The following TIMMDC1 variants were observed in gnomAD, a reference collection of about 807,000 sequenced individuals.
TIMMDC1 encodes the protein complex I assembly factor TIMMDC1, mitochondrial.
A neutral mutation model predicts 32.6 loss-of-function variants in TIMMDC1; 25 were observed. The observed-to-expected ratio is 0.77, with a 90% CI of 0.56 to 1.07. The LOEUF is 1.07. TIMMDC1 is among the 50% of genes least tolerant of loss of function. The probability of loss-of-function intolerance (pLI) is 0.00; values close to 1 mark genes in which losing one functional copy is unlikely to be tolerated. For missense variants in TIMMDC1, 329 were observed against 349.2 expected, an observed-to-expected ratio of 0.94 and a Z score of 0.46; for synonymous variants, 130 against 127.6, an observed-to-expected ratio of 1.02 and a Z score of -0.13.
intron 4 of TIMMDC1, among the ~76,000 whole-genome samples, chr3:119,506,320 T>C (rs2081918639): frequency 2.0e-5 from 3 of 152,124 alleles, no homozygotes; most frequent in Admixed American, 2.0e-4. Flanking sequence ...TATAGGAGTT[T>C]GAGAACAGCC....
Position 119,498,575 on chromosome 3 carries a change from G to A in TIMMDC1, c.-159G>A. Reference sequence around the variant, plus strand: ...GTATTTCCAAGGACTCCAAAGCGAGGCCGGGGACTGAAGGTGTGGGTGTCG... The same window carrying A: ...GTATTTCCAAGGACTCCAAAGCGAGACCGGGGACTGAAGGTGTGGGTGTCG... On this transcript the variant is annotated 5_prime_UTR_variant, in exon 1 of 7. Coordinates refer to ENST00000494664, the MANE Select transcript of TIMMDC1 (RefSeq NM_016589.4). 3.0e-6 allele frequency: 2 copies of A among 675,982 alleles called. No homozygotes were observed. The highest frequency in any genetic ancestry group is 5.0e-6 in the Non-Finnish European group (2 of 398,152). 41.9% of individuals were successfully genotyped at this position (675,982 alleles called of 1,614,324 possible).
intron 4 of TIMMDC1, among the ~76,000 whole-genome samples, chr3:119,510,248 TTAA>T (rs35288176): frequency 0.15 from 22,283 of 152,050 alleles, 2,035 homozygotes; most frequent in Non-Finnish European, 0.2. Flanking sequence ...AAAAATTTTC[TTAA>T]TAATAGTACT....
intron 6 of TIMMDC1, among the ~76,000 whole-genome samples, chr3:119,521,459 ATTGTTTGAGCC>A (rs1307043997): frequency 6.6e-6 from 1 of 152,166 alleles, no homozygotes; most frequent in Non-Finnish European, 1.5e-5. Flanking sequence ...AGGCAGGAGG[ATTGTTTGAGCC>A]TGGGAGGTGG....
intron 1 of TIMMDC1, 82 bp from the exon 2 acceptor site, chr3:119,500,613 G>T: frequency 8.1e-7 from 1 of 1,237,224 alleles, no homozygotes. Context: ...GGTAGCATTT[G>T]GGTTAATTCT....
Position 119,511,624 on chromosome 3 carries a change from A to T in TIMMDC1, c.518-2017A>T, listed in dbSNP as rs192877763. ...ACAGTTTTGGCCACATAAAATTTTT[A>T]AACCTATCTATGTCATAAATACTAT... On this transcript the variant is annotated intron_variant, in intron 4 of 6. Transcript: ENST00000494664. Among the ~76,000 whole-genome samples the T allele has an allele frequency of 1.5e-3, 233 of 152,370 alleles. 1 individual carries two copies. The highest frequency in any genetic ancestry group is 5.3e-3 in the African/African-American group (220 of 41,594).
At position 119,503,926 on chromosome 3, in the gene TIMMDC1, T is replaced by C. The variant is rs762990347; in HGVS notation, c.450-28T>C. On this transcript the variant is annotated intron_variant, in intron 3 of 6. Coordinates refer to ENST00000494664, the MANE Select transcript of TIMMDC1 (RefSeq NM_016589.4). Reference sequence around the variant, plus strand: ...TAAATGGGATATGCTTTAAATCTTATATTTTCCTTCTCCTCCCTTTTTACC... The same window carrying C: ...TAAATGGGATATGCTTTAAATCTTACATTTTCCTTCTCCTCCCTTTTTACC... 3.2e-6 allele frequency: 5 copies of C among 1,582,170 alleles called. No individual in the cohort carries two copies. In the South Asian group the frequency reaches 3.3e-5, roughly 11 times the overall value.
In TIMMDC1 at chr3:119,498,603, C is replaced by T. The variant is rs961668161; in HGVS notation, c.-131C>T. 2.4e-6 allele frequency: 2 copies of T among 844,842 alleles called. No homozygotes were observed. Among genetic ancestry groups the T allele is most frequent in the Non-Finnish European group, 1.9e-6 (1 of 535,336 alleles). The allele number at this position is 844,842 out of a possible 1,614,324, so 52.3% of individuals were successfully genotyped here. On this transcript the variant is annotated 5_prime_UTR_variant, in exon 1 of 7. Coordinates refer to ENST00000494664, the MANE Select transcript of TIMMDC1 (RefSeq NM_016589.4). ...GGGGACTGAAGGTGTGGGTGTCGAG[C>T]CCTCTGGCAGAGGGTTAACCTGGGT...
At chr3:119,511,249 G>T (rs1009012797) in intron 4 of TIMMDC1, among the ~76,000 whole-genome samples, 1 of 151,948 alleles carries the variant, frequency 6.6e-6, no homozygotes, top group Admixed American at 6.6e-5. Flanking sequence ...AAGCTGAGGC[G>T]GGTGGATCAC....
chr3:119,504,984 A>G (rs977789553), intron 4 of TIMMDC1, among the ~76,000 whole-genome samples: 3 of 151,854 alleles, frequency 2.0e-5, no homozygotes, highest in African/African-American at 7.3e-5. Flanking sequence ...AGGCTGAGGC[A>G]GGAGAATCAC....
intron 6 of TIMMDC1, among the ~76,000 whole-genome samples, chr3:119,519,678 A>G (rs1243987762): frequency 6.6e-6 from 1 of 150,394 alleles, no homozygotes; most frequent in Non-Finnish European, 1.5e-5. Context: ...GGACTTCAAC[A>G]CCACACTCCC....
chr3:119,500,933 T>C (rs1560044819), intron 2 of TIMMDC1, 73 bp downstream of exon 2: 2 of 1,470,860 alleles, frequency 1.4e-6, no homozygotes, highest in East Asian at 4.6e-5. Flanking sequence ...ATCATTCAAT[T>C]AGGTTGTGGG....
Position 119,523,641 on chromosome 3 carries a change from A to C in TIMMDC1, c.743A>C (p.Glu248Ala). The C allele has an allele frequency of 4.3e-6, 7 of 1,612,786 alleles. No individual in the cohort carries two copies. The highest frequency in any genetic ancestry group is 5.9e-6 in the Non-Finnish European group (7 of 1,179,438). The change falls in exon 7 of 7, where the codon GAG (glutamate) becomes GCG (alanine). Residue 248 changes from glutamate (E) to alanine (A), a missense_variant. By Grantham distance (107) the Glu-to-Ala change is moderately radical. Transcript: ENST00000494664. ...GRLQVTEHLPEKIESSLQEDE... is the reference protein window; with the variant it reads ...GRLQVTEHLPAKIESSLQEDE... The stretch of plus-strand genomic sequence containing the variant: ...CTACAAGTTACTGAGCACCTCCCTG[A>C]GAAAATTGAAAGTAGTTTACAGGAA...
At chr3:119,510,427 T>TA (rs899927691) in intron 4 of TIMMDC1, among the ~76,000 whole-genome samples, 33 of 152,016 alleles carry the variant, frequency 2.2e-4, no homozygotes, top group African/African-American at 6.8e-4. Flanking sequence ...CAGGCTTTTT[T>TA]AAAAAAACTT....
chr3:119,503,662 ATTG>A (rs1016019734), intron 3 of TIMMDC1, 42 bp downstream of exon 3: 1 of 1,498,970 alleles, frequency 6.7e-7, no homozygotes, highest in Non-Finnish European at 9.1e-7. Context: ...TTTTCTTGAT[ATTG>A]TTTTAGGAGT....
rs2081894185 is a variant in TIMMDC1, at chr3:119,503,513, G to GT, written c.361-13dup. 1 of 1,579,120 alleles carries GT rather than the reference G, an allele frequency of 6.3e-7. No individual in the cohort carries two copies. The highest frequency in any genetic ancestry group is 2.2e-5 in the East Asian group (1 of 44,478). On this transcript the variant is annotated intron_variant, in intron 2 of 6. Coordinates refer to ENST00000494664, the MANE Select transcript of TIMMDC1 (RefSeq NM_016589.4). ...TATGATGGTGTCTTAGAACCTCACA[G>GT]TTTTTTAATTAACTTTAGCAATCTG...
chr3:119,517,212 G>C lies in TIMMDC1; in HGVS notation c.604G>C (p.Val202Leu). The change falls in exon 6 of 7, where the codon GTA becomes CTA. Residue 202 changes from valine (V) to leucine (L), a missense_variant. Coordinates refer to ENST00000494664, the MANE Select transcript of TIMMDC1 (RefSeq NM_016589.4). The part of the protein sequence containing the change: ...GIIGALLGTP[V>L]GGLLMAFQKY... ...CCTCTCCTTTCTTCTCAGCACTCCT[G>C]TAGGAGGCCTGCTGATGGCATTTCA... 6.2e-7 allele frequency: 1 copy of C among 1,609,190 alleles called. No individual in the cohort carries two copies. The highest frequency in any genetic ancestry group is 8.5e-7 in the Non-Finnish European group (1 of 1,175,810).
At chr3:119,521,289 T>C (rs929426713) in intron 6 of TIMMDC1, among the ~76,000 whole-genome samples, 1 of 152,164 alleles carries the variant, frequency 6.6e-6, no homozygotes, top group Non-Finnish European at 1.5e-5. Flanking sequence ...GCACGGTGGC[T>C]CACACTTGTA....
In TIMMDC1 at chr3:119,500,685, G is replaced by A; in HGVS notation, c.195-10G>A. The A allele has an allele frequency of 1.9e-6, 3 of 1,606,714 alleles. No homozygotes were observed. Among genetic ancestry groups the A allele is most frequent in the East Asian group, 2.2e-5 (1 of 44,790 alleles). On this transcript the variant is annotated splice_polypyrimidine_tract_variant and intron_variant, in intron 1 of 6. Coordinates refer to ENST00000494664, the MANE Select transcript of TIMMDC1 (RefSeq NM_016589.4). ...TAATCCCAAACAACATTGTCTTTTT[G>A]ATGTTGTAGTGAACAGCAGAGAATT...
chr3:119,507,982 C>CA (rs1182252568), intron 4 of TIMMDC1, among the ~76,000 whole-genome samples: 4 of 152,158 alleles, frequency 2.6e-5, no homozygotes, highest in African/African-American at 9.7e-5. Context: ...GAGGCTAGAG[C>CA]AGTTGCATTT....
Sources: gnomAD v4.1 joint callset for allele counts (sites outside exome capture counted in the v4.1 genomes callset) on GRCh38, gnomAD v4.1.1 for gene constraint, MANE v1.5 for transcripts, NCBI Gene and HGNC (gene_info 2026-07-23, HGNC 2026-07-21) for gene names.